Variants in VAMP5 observed in about 807,000 individuals in gnomAD.
VAMP5 encodes the protein vesicle-associated membrane protein 5.
Under a neutral mutation model 8.1 loss-of-function variants are expected in VAMP5, and 10 were observed. The ratio of observed to expected loss-of-function variants is 1.23; its 90% CI spans 0.76 to 2.09. VAMP5 has a LOEUF of 2.09. Among genes scored for constraint, VAMP5 ranks in the 30% most tolerant of loss-of-function variants. VAMP5 has a pLI of 0.00. For missense variants in VAMP5, 135 were observed against 152.5 expected (o/e 0.89, Z 0.60); for synonymous variants, 62 against 60.6 (o/e 1.02, Z -0.11).
At chr2:85,591,674 G>A (rs2289976) in intron 1 of VAMP5, 51 bp from the exon 2 acceptor site, 440,144 of 1,611,364 alleles carry the variant, frequency 0.27, 62,900 homozygotes, top group Non-Finnish European at 0.3. Context: ...AGGGGCAGAT[G>A]AGGGCCAGGT....
intron 1 of VAMP5, among the ~76,000 whole-genome samples, chr2:85,587,977 G>T (rs187439869): frequency 5.2e-4 from 79 of 152,126 alleles, no homozygotes; most frequent in African/African-American, 1.8e-3. Context: ...GGATAGGGAG[G>T]TTTTTTTGTT....
At chr2:85,591,272 C>T (rs1453799600) in intron 1 of VAMP5, among the ~76,000 whole-genome samples, 1 of 152,236 alleles carries the variant, frequency 6.6e-6, no homozygotes. Flanking sequence ...TAGGGTAGGT[C>T]TCCTCCCTGT....
intron 1 of VAMP5, among the ~76,000 whole-genome samples, chr2:85,591,367 G>A (rs909661270): frequency 3.9e-5 from 6 of 152,190 alleles, no homozygotes; most frequent in Non-Finnish European, 7.3e-5. Flanking sequence ...TGCATTGATT[G>A]GGTAGACGCC....
intron 1 of VAMP5, 102 bp from the exon 2 acceptor site, chr2:85,591,623 C>A: frequency 6.5e-7 from 1 of 1,545,728 alleles, no homozygotes; most frequent in Non-Finnish European, 8.8e-7. Flanking sequence ...TACTCTCATG[C>A]TGTACCCACC....
chr2:85,591,510 A>G, intron 1 of VAMP5: 1 of 627,094 alleles, frequency 1.6e-6, no homozygotes, highest in Middle Eastern at 4.6e-4. Context: ...CCCTGCCTTG[A>G]CGTGCAAGGG....
chr2:85,593,069 T>C lies in VAMP5; in HGVS notation c.263T>C (p.Leu88Pro). 1 of 1,614,226 alleles carries C rather than the reference T, an allele frequency of 6.2e-7. No homozygotes were observed. The highest frequency in any genetic ancestry group is 1.1e-5 in the South Asian group (1 of 91,082). Residue 88 changes from leucine (L) to proline (P), a missense_variant, in exon 3 of 3, where the codon CTG (leucine) becomes CCG (proline). Transcript: ENST00000306384. ...GTCCTGCTCATCATCCTGATTGTGC[T>C]GCTGGTCGTCTTTCTCCCTCAGAGC... is the stretch of plus-strand genomic sequence containing the variant. ...VGVLLIILIV[L>P]LVVFLPQSSD...
chr2:85,587,620 C>A (rs1672484399), intron 1 of VAMP5, among the ~76,000 whole-genome samples: 1 of 151,748 alleles, frequency 6.6e-6, no homozygotes, highest in African/African-American at 2.4e-5. Flanking sequence ...TGGGCCACAT[C>A]AATATAATAG....
intron 1 of VAMP5, among the ~76,000 whole-genome samples, chr2:85,589,349 G>A (rs945706697): frequency 2.0e-5 from 3 of 152,158 alleles, no homozygotes; most frequent in Non-Finnish European, 1.5e-5. Flanking sequence ...CGAGACTTGA[G>A]TCTAAGGCCT....
At chr2:85,591,234 G>A (rs1420322376) in intron 1 of VAMP5, among the ~76,000 whole-genome samples, 1 of 152,344 alleles carries the variant, frequency 6.6e-6, no homozygotes, top group East Asian at 1.9e-4. Context: ...TATGATGTGT[G>A]CTGCTTCAAA....
chr2:85,584,464 GC>G lies in VAMP5; in HGVS notation c.-26del. The G allele has an allele frequency of 8.0e-7, 1 of 1,244,498 alleles. No individual in the cohort carries two copies. The highest frequency in any genetic ancestry group is 3.6e-5 in the South Asian group (1 of 28,036). The allele number at this position is 1,244,498 out of a possible 1,614,324, so 77.1% of individuals were successfully genotyped here. A position where few individuals can be genotyped will look rare whatever the true frequency, so the allele number is the denominator to read the frequency against. Reference sequence around the variant, plus strand: ...CGCTCCGCAGGCAGAGAAGCCGGGAGCGGGCGAGGCGGCGGCGGCAGCAGCG... The same window carrying G: ...CGCTCCGCAGGCAGAGAAGCCGGGAGGGGCGAGGCGGCGGCGGCAGCAGCG... On this transcript the variant is annotated 5_prime_UTR_variant, in exon 1 of 3. Coordinates refer to ENST00000306384, the MANE Select transcript of VAMP5 (RefSeq NM_006634.3).
intron 1 of VAMP5, among the ~76,000 whole-genome samples, chr2:85,589,053 G>T (rs536480793): frequency 6.6e-6 from 1 of 152,324 alleles, no homozygotes; most frequent in African/African-American, 2.4e-5. Flanking sequence ...GGGAAGCTGA[G>T]GTGGGAGGAC....
chr2:85,585,101 C>T (rs1290957893), intron 1 of VAMP5, among the ~76,000 whole-genome samples: 2 of 152,220 alleles, frequency 1.3e-5, no homozygotes, highest in African/African-American at 4.8e-5. Context: ...GCGAACTCCT[C>T]CCCTAGAGAA....
At position 85,593,337 on chromosome 2, in the gene VAMP5, T is replaced by G. The variant is rs1304720942; in HGVS notation, c.*180T>G. 1 of 673,686 alleles carries G rather than the reference T, an allele frequency of 1.5e-6. No homozygotes were observed. Among genetic ancestry groups the G allele is most frequent in the Non-Finnish European group, 2.5e-6 (1 of 395,298 alleles). 41.7% of individuals were successfully genotyped at this position (673,686 alleles called of 1,614,324 possible). On this transcript the variant is annotated 3_prime_UTR_variant, in exon 3 of 3. Coordinates refer to ENST00000306384, the MANE Select transcript of VAMP5 (RefSeq NM_006634.3). ...GGCCCTTGAGGGCAGCCTGCTGTAC[T>G]GGCCATGCTGGGCCAGCCCCACCTG...
Position 85,593,210 on chromosome 2 carries a change from T to A in VAMP5, c.*53T>A. ...ATGGCTGCACTGGCCGATTCTGGTC[T>A]CCAGAGGACCTTGGTGTTTGCTCTC... On this transcript the variant is annotated 3_prime_UTR_variant, in exon 3 of 3. Transcript: ENST00000306384. 1 of 1,595,958 alleles carries A rather than the reference T, an allele frequency of 6.3e-7. No homozygotes were observed. The highest frequency in any genetic ancestry group is 1.1e-5 in the South Asian group (1 of 89,964).
At chr2:85,586,444 C>T (rs938064575) in intron 1 of VAMP5, among the ~76,000 whole-genome samples, 3 of 152,146 alleles carry the variant, frequency 2.0e-5, no homozygotes, top group Non-Finnish European at 2.9e-5. Context: ...GGTGTGGTGG[C>T]ACACGCCTGT....
At chr2:85,587,031 C>A (rs1039688126) in intron 1 of VAMP5, among the ~76,000 whole-genome samples, 1 of 151,274 alleles carries the variant, frequency 6.6e-6, no homozygotes, top group Non-Finnish European at 1.5e-5. Context: ...GTGGAGATCA[C>A]GCCACTGCAC....
Position 85,587,074 on chromosome 2 carries a change from C to T in VAMP5, c.3+2581C>T, listed in dbSNP as rs1202543713. Among the ~76,000 whole-genome samples the T allele has an allele frequency of 2.2e-5, 3 of 133,870 alleles. No individual in the cohort carries two copies. The South Asian group carries it at 7.1e-4, about 32-fold the overall frequency. 87.8% of individuals were successfully genotyped at this position (133,870 alleles called of 152,430 possible). A position where few individuals can be genotyped will look rare whatever the true frequency, so the allele number is the denominator to read the frequency against. The stretch of plus-strand genomic sequence containing the variant: ...TGGGCGACAGAGTGAGACACCATCT[C>T]AAAAAAAAAAAGAAAGAAAATAAAC... On this transcript the variant is annotated intron_variant, in intron 1 of 2. Transcript: ENST00000306384.
intron 1 of VAMP5, among the ~76,000 whole-genome samples, chr2:85,587,622 A>G (rs1015692366): frequency 6.6e-6 from 1 of 152,140 alleles, no homozygotes; most frequent in Non-Finnish European, 1.5e-5. Flanking sequence ...GGCCACATCA[A>G]TATAATAGCT....
intron 1 of VAMP5, among the ~76,000 whole-genome samples, chr2:85,589,760 C>T (rs1375663132): frequency 2.6e-5 from 4 of 152,166 alleles, no homozygotes; most frequent in South Asian, 2.1e-4. Context: ...CAGGTTCAAG[C>T]GATTCTCCCA....
Sources: allele counts gnomAD v4.1 joint callset (sites outside exome capture counted in the v4.1 genomes callset), GRCh38; gene constraint gnomAD v4.1.1; transcripts MANE v1.5; gene names NCBI Gene and HGNC (gene_info 2026-07-23, HGNC 2026-07-21).